HIPK2: variants seen among roughly 807,000 people sequenced by gnomAD.
HIPK2 encodes the protein homeodomain interacting protein kinase 2, also known as homeodomain-interacting protein kinase 2.
In HIPK2, 27 loss-of-function variants were observed where a neutral mutation model predicts 113.7. The ratio of observed to expected loss-of-function variants is 0.24; its 90% confidence interval spans 0.17 to 0.33. The LOEUF (loss-of-function observed/expected upper bound fraction) is 0.33. Among genes scored for constraint, HIPK2 ranks in the 10% least tolerant of loss-of-function variants. The pLI is 1.00. For missense variants in HIPK2, 1,257 were observed against 1,588.0 expected (o/e 0.79, Z 3.54); for synonymous variants, 631 against 642.2 (o/e 0.98, Z 0.26).
In HIPK2 at chr7:139,705,832, A is replaced by G. The variant is rs139297318; in HGVS notation, c.1103+10100T>C. Among the ~76,000 whole-genome samples, 918 of 152,106 alleles carry G rather than the reference A, an allele frequency of 6.0e-3. 2 individuals are homozygous for G. Among genetic ancestry groups the G allele is most frequent in the Non-Finnish European group, 8.6e-3 (585 of 67,930 alleles). ...ACAAGGATGAAAAGATTAGTAAAAAAAAAAAAAAAAAAGAGCAGCTAACAT... is the reference window on the plus strand; with the variant it reads ...ACAAGGATGAAAAGATTAGTAAAAAGAAAAAAAAAAAAGAGCAGCTAACAT... On this transcript the variant is annotated intron_variant, in intron 2 of 14. Coordinates refer to ENST00000406875, the MANE Select transcript of HIPK2 (RefSeq NM_022740.5).
At chr7:139,660,260 T>C (rs1212024354) in intron 2 of HIPK2, among the ~76,000 whole-genome samples, 1 of 152,184 alleles carries the variant, frequency 6.6e-6, no homozygotes, top group Non-Finnish European at 1.5e-5. Context: ...TAGAACACAG[T>C]AGGCAACTAA....
intron 1 of HIPK2, among the ~76,000 whole-genome samples, chr7:139,765,426 T>C (rs754242939): frequency 6.6e-6 from 1 of 152,210 alleles, no homozygotes; most frequent in Non-Finnish European, 1.5e-5. Context: ...TTAATAAATA[T>C]CCACTTCCAT....
Position 139,583,888 on chromosome 7 carries a change from C to T in HIPK2, c.2894G>A (p.Arg965Gln), listed in dbSNP as rs747730038. ...SLENHCTGNP[R>Q]TIIVPPLKTQ... ...TTTCAGGGGTGGCACGATGATGGTT[C>T]GGGGGTTCCCCGTGCAGTGATTCTC... is the stretch of plus-strand genomic sequence containing the variant. The change falls in exon 13 of 15, where the codon CGA becomes CAA. Residue 965 changes from arginine to glutamine, a missense_variant. By Grantham distance (43) the Arg-to-Gln change is conservative. Around this residue, in one of 5 missense-constraint regions of HIPK2, gnomAD observed 862 missense variants for 1,004.3 expected, o/e 0.86. Transcript: ENST00000406875. 8.7e-6 allele frequency: 14 copies of T among 1,613,582 alleles called. No individual in the cohort carries two copies. Among genetic ancestry groups the T allele is most frequent in the Admixed American group, 3.3e-5 (2 of 59,912 alleles).
At chr7:139,590,599 A>C (rs2116607746) in intron 12 of HIPK2, among the ~76,000 whole-genome samples, 1 of 152,320 alleles carries the variant, frequency 6.6e-6, no homozygotes, top group South Asian at 2.1e-4. Context: ...TATTAAGTAC[A>C]GGTAACATTT....
At position 139,708,353 on chromosome 7, in the gene HIPK2, A is replaced by G. The variant is rs1400972295; in HGVS notation, c.1103+7579T>C. Among the ~76,000 whole-genome samples, 4 of 151,826 alleles carry G rather than the reference A, an allele frequency of 2.6e-5. No individual in the cohort carries two copies. The South Asian group carries it at 8.3e-4, about 31-fold the overall frequency. On this transcript the variant is annotated intron_variant, in intron 2 of 14. Coordinates refer to ENST00000406875, the MANE Select transcript of HIPK2 (RefSeq NM_022740.5). Reference sequence around the variant, plus strand: ...AAGTATGTACAGCTTTCTGTAAGTAAATCATACCTCAATAAACTGTGTGTG... The same window carrying G: ...AAGTATGTACAGCTTTCTGTAAGTAGATCATACCTCAATAAACTGTGTGTG...
intron 12 of HIPK2, among the ~76,000 whole-genome samples, chr7:139,594,710 C>A (rs1799137412): frequency 6.6e-6 from 1 of 152,200 alleles, no homozygotes. Context: ...TAGCCTCAGT[C>A]TGCAGCTTCC....
intron 7 of HIPK2, among the ~76,000 whole-genome samples, chr7:139,619,607 C>T (rs1800167645): frequency 6.6e-6 from 1 of 152,158 alleles, no homozygotes; most frequent in African/African-American, 2.4e-5. Context: ...TTCTCCATGA[C>T]TCGGAGAAAG....
At chr7:139,667,093 C>T (rs578163730) in intron 2 of HIPK2, among the ~76,000 whole-genome samples, 24 of 151,790 alleles carry the variant, frequency 1.6e-4, no homozygotes, top group Non-Finnish European at 2.8e-4. Flanking sequence ...AAAAAAACTC[C>T]ACACTCTAAC....
chr7:139,565,663 C>T lies in HIPK2; in HGVS notation c.*7264G>A, dbSNP rs747360408. 21 of 149,952 alleles carry T rather than the reference C, an allele frequency of 1.4e-4. No individual in the cohort carries two copies. The highest frequency in any genetic ancestry group is 1.5e-5 in the Non-Finnish European group (1 of 67,526). The allele number at this position is 149,952 out of a possible 1,614,324, so 9.3% of individuals were successfully genotyped here. A position where few individuals can be genotyped will look rare whatever the true frequency, so the allele number is the denominator to read the frequency against. Reference sequence around the variant, plus strand: ...GAAGAGTATCTCAAAAGAAAACATTCTTTTGTTCCTCTAAGTCTTGTCTTT... The same window carrying T: ...GAAGAGTATCTCAAAAGAAAACATTTTTTTGTTCCTCTAAGTCTTGTCTTT... On this transcript the variant is annotated 3_prime_UTR_variant, in exon 15 of 15. Coordinates refer to ENST00000406875, the MANE Select transcript of HIPK2 (RefSeq NM_022740.5).
intron 2 of HIPK2, among the ~76,000 whole-genome samples, chr7:139,678,046 C>A (rs139668866): frequency 6.6e-6 from 1 of 152,112 alleles, no homozygotes; most frequent in African/African-American, 2.4e-5. Context: ...TCATATCCTT[C>A]GGCCACTTTT....
chr7:139,662,111 TTC>T (rs1477869710), intron 2 of HIPK2, among the ~76,000 whole-genome samples: 1 of 152,238 alleles, frequency 6.6e-6, no homozygotes, highest in African/African-American at 2.4e-5. Context: ...CTTTTATGTC[TTC>T]ATTCAATTCA....
chr7:139,614,313 G>A lies in HIPK2; in HGVS notation c.1963C>T (p.Leu655Phe). The change falls in exon 8 of 15, where the codon CTC becomes TTC. Residue 655 changes from leucine (L) to phenylalanine (F), a missense_variant. Coordinates refer to ENST00000406875, the MANE Select transcript of HIPK2 (RefSeq NM_022740.5). ...TGGAAGCCGGGGGGACACACGATGA[G>A]AGCTTGCTGGAACGGGTCAGGCCGG... is the stretch of plus-strand genomic sequence containing the variant. The part of the protein sequence containing the change: ...CARPDPFQQA[L>F]IVCPPGFQGL... The A allele has an allele frequency of 6.5e-7, 1 of 1,547,144 alleles. No homozygotes were observed. Among genetic ancestry groups the A allele is most frequent in the Non-Finnish European group, 8.8e-7 (1 of 1,136,594 alleles).
In HIPK2 at chr7:139,600,478, G is replaced by A. The variant is rs750726446; in HGVS notation, c.2374C>T (p.Arg792Trp). ...PLNVGVAHVM[R>W]QQPTSTTSSR... ...GAGGTGGTGCTGGTTGGCTGCTGCC[G>A]CATCACGTGGGCCACACCCACATTT... The change falls in exon 11 of 15, where the codon CGG (arginine) becomes TGG (tryptophan). Residue 792 changes from arginine (R) to tryptophan (W), a missense_variant. By Grantham distance (101) the Arg-to-Trp change is moderately radical. Around this residue, in one of 5 missense-constraint regions of HIPK2, gnomAD observed 862 missense variants for 1,004.3 expected, o/e 0.86. Transcript: ENST00000406875. 2.5e-6 allele frequency: 4 copies of A among 1,613,982 alleles called. No homozygotes were observed. The highest frequency in any genetic ancestry group is 3.4e-6 in the Non-Finnish European group (4 of 1,179,884).
At chr7:139,755,992 T>C (rs180925038) in intron 1 of HIPK2, among the ~76,000 whole-genome samples, 8 of 152,370 alleles carry the variant, frequency 5.3e-5, no homozygotes, top group African/African-American at 1.9e-4. Context: ...ATGTTCTACC[T>C]TCCCCATCTC....
intron 13 of HIPK2, 93 bp downstream of exon 13, chr7:139,583,724 A>C: frequency 6.5e-7 from 1 of 1,535,732 alleles, no homozygotes; most frequent in Non-Finnish European, 8.8e-7. Flanking sequence ...TTTCTATTGT[A>C]CTAGCTCCCA....
At position 139,630,604 on chromosome 7, in the gene HIPK2, G is replaced by A. The variant is rs191696953; in HGVS notation, c.1347+561C>T. On this transcript the variant is annotated intron_variant, in intron 4 of 14. Transcript: ENST00000406875. This position sits in a 1 kb window ranked among gnomAD's most constrained non-coding sequence, Gnocchi z 4.0. ...GTAGAGACGGGGTTTCACCATGTTG[G>A]CCAGGCTGGTCTCGAATTCATGACC... Among the ~76,000 whole-genome samples the A allele has an allele frequency of 3.0e-4, 45 of 152,194 alleles. No homozygotes were observed. Among genetic ancestry groups the A allele is most frequent in the African/African-American group, 9.6e-4 (40 of 41,532 alleles).
chr7:139,776,281 G>A (rs1365816831), intron 1 of HIPK2, among the ~76,000 whole-genome samples: 1 of 147,004 alleles, frequency 6.8e-6, no homozygotes, highest in Non-Finnish European at 1.5e-5. Context: ...TTGTTTCTAA[G>A]AGAGTCTGAA....
intron 1 of HIPK2, among the ~76,000 whole-genome samples, chr7:139,746,881 G>A (rs188097350): frequency 2.6e-5 from 4 of 152,092 alleles, no homozygotes; most frequent in African/African-American, 9.6e-5. Context: ...GCGTGTCTCT[G>A]CCTCACACCC....
chr7:139,591,812 C>T (rs1285836387), intron 12 of HIPK2, among the ~76,000 whole-genome samples: 1 of 152,202 alleles, frequency 6.6e-6, no homozygotes, highest in Non-Finnish European at 1.5e-5. Context: ...GTCTGGGTTC[C>T]TTTGTTCCTT....
Sources: allele counts gnomAD v4.1 joint callset (sites outside exome capture counted in the v4.1 genomes callset), GRCh38; gene constraint gnomAD v4.1.1; regional missense constraint gnomAD v4.1.1; non-coding constraint Gnocchi (gnomAD v3.1); transcripts MANE v1.5; gene names NCBI Gene and HGNC (gene_info 2026-07-23, HGNC 2026-07-21).